The following PPRC1 variants were observed in gnomAD, a reference collection of about 807,000 sequenced individuals.
PPRC1 encodes the protein peroxisome proliferator-activated receptor gamma coactivator-related protein 1.
Under a neutral mutation model 132.5 loss-of-function variants are expected in PPRC1, and 23 were observed. The ratio of observed to expected loss-of-function variants is 0.17; its 90% CI spans 0.12 to 0.25. PPRC1 has a LOEUF of 0.25. Ranked by LOEUF, PPRC1 falls within the 10% of genes least tolerant of loss-of-function variation. The pLI is 1.00. For missense variants in PPRC1, 2,006 were observed against 2,089.1 expected, an observed-to-expected ratio of 0.96 and a Z score of 0.78; for synonymous variants, 872 against 833.5, an observed-to-expected ratio of 1.05 and a Z score of -0.80.
chr10:102,144,307 G>C lies in PPRC1; in HGVS notation c.3608G>C (p.Gly1203Ala). ...PADSLAVGNSGGVDIPQEKRP... is the reference protein window; with the variant it reads ...PADSLAVGNSAGVDIPQEKRP... ...GACAGCTTGGCTGTAGGAAACTCAG[G>C]GTAAGTATGGAGACATGAGCGAGTT... Residue 1203 changes from glycine to alanine, a missense_variant and splice_region_variant, in exon 7 of 14, where the codon GGC becomes GCC. Transcript: ENST00000278070. 6.2e-7 allele frequency: 1 copy of C among 1,613,810 alleles called. No homozygotes were observed. The highest frequency in any genetic ancestry group is 8.5e-7 in the Non-Finnish European group (1 of 1,179,954).
At chr10:102,121,262 C>T in the PPRC1 span, among the ~76,000 whole-genome samples, 2 of 152,078 alleles carry the variant, frequency 1.3e-5, no homozygotes, top group African/African-American at 4.8e-5. Flanking sequence ...CCCCTTTCTC[C>T]AGCCTTGGTG....
At position 102,148,834 on chromosome 10, in the gene PPRC1, C is replaced by T. The variant is rs768796959; in HGVS notation, c.4635C>T (p.Val1545=). The T allele has an allele frequency of 6.2e-7, 1 of 1,614,050 alleles. No homozygotes were observed. The highest frequency in any genetic ancestry group is 1.7e-5 in the Admixed American group (1 of 60,014). Residue 1545 remains valine, a synonymous_variant, in exon 12 of 14, where the codon GTC becomes GTT. Coordinates refer to ENST00000278070, the MANE Select transcript of PPRC1 (RefSeq NM_015062.5). This position sits in a 1 kb window ranked among gnomAD's most constrained non-coding sequence, Gnocchi z 4.2. ...KERAIEERRV[V]FIGKIPGRMT... is the part of the protein sequence containing the mutation. ...AAACATAGGAAGAAAGAAGGGTGGT[C>T]TTCATTGGAAAGATACCTGGCCGCA...
the PPRC1 span, among the ~76,000 whole-genome samples, chr10:102,127,066 T>TAAAA: frequency 1.8e-5 from 1 of 54,886 alleles, no homozygotes; most frequent in African/African-American, 7.0e-5. Flanking sequence ...TATATATATA[T>TAAAA]ATAAATTAAA....
the PPRC1 span, among the ~76,000 whole-genome samples, chr10:102,122,332 C>T: frequency 6.6e-6 from 1 of 152,102 alleles, no homozygotes; most frequent in Non-Finnish European, 1.5e-5. Flanking sequence ...GACAACTGAC[C>T]ACCCCACCTG....
chr10:102,121,745 C>T, the PPRC1 span, among the ~76,000 whole-genome samples: 1 of 152,112 alleles, frequency 6.6e-6, no homozygotes, highest in Non-Finnish European at 1.5e-5. Flanking sequence ...GGACTAGTGT[C>T]TCCTCCCTAG....
chr10:102,126,054 G>T, the PPRC1 span, among the ~76,000 whole-genome samples: 3 of 151,964 alleles, frequency 2.0e-5, no homozygotes, highest in East Asian at 5.8e-4. Flanking sequence ...TAGAGTAGGG[G>T]TTTCACCATG....
Position 102,140,300 on chromosome 10 carries a change from G to T in PPRC1, c.1792G>T (p.Gly598Cys). 2 of 1,614,120 alleles carry T rather than the reference G, an allele frequency of 1.2e-6. No individual in the cohort carries two copies. The highest frequency in any genetic ancestry group is 1.7e-6 in the Non-Finnish European group (2 of 1,179,982). ...TGTTGAAGCTGATCCCACTGCAGTTGGCCCTGTTCTAGCTGGCCCTGTACC... is the reference window on the plus strand; with the variant it reads ...TGTTGAAGCTGATCCCACTGCAGTTTGCCCTGTTCTAGCTGGCCCTGTACC... ...DSVEADPTAVGPVLAGPVPVD... is the reference protein window; with the variant it reads ...DSVEADPTAVCPVLAGPVPVD... Residue 598 changes from glycine (G) to cysteine (C), a missense_variant, in exon 5 of 14, where the codon GGC becomes TGC. By Grantham distance (159) the Gly-to-Cys change is radical. This residue lies in a region of PPRC1 where 1,914 missense variants were observed against 1,917.2 expected (regional missense o/e 1.00). Coordinates refer to ENST00000278070, the MANE Select transcript of PPRC1 (RefSeq NM_015062.5).
intron 9 of PPRC1, among the ~76,000 whole-genome samples, chr10:102,147,923 C>T (rs10509755): frequency 0.095 from 14,389 of 152,026 alleles, 972 homozygotes; most frequent in African/African-American, 0.19. Context: ...AGAACTGGCC[C>T]ATACTACAAG....
At chr10:102,133,509 C>G (rs1011750834) in intron 1 of PPRC1, among the ~76,000 whole-genome samples, 3 of 152,102 alleles carry the variant, frequency 2.0e-5, no homozygotes, top group African/African-American at 7.2e-5. Context: ...GCTGAGACCT[C>G]CATGTAAGGA....
chr10:102,149,952 G>T lies in PPRC1; in HGVS notation c.4918G>T (p.Ala1640Ser). The change falls in exon 14 of 14, where the codon GCA becomes TCA. Residue 1640 changes from alanine (A) to serine (S), a missense_variant. Coordinates refer to ENST00000278070, the MANE Select transcript of PPRC1 (RefSeq NM_015062.5). Reference protein sequence around the residue: ...LDSNREDFDPAPVKSKFDSLD... With the variant: ...LDSNREDFDPSPVKSKFDSLD... Reference sequence around the variant, plus strand: ...CTCCAACCGGGAAGACTTTGACCCAGCACCTGTAAAGAGCAAATTTGATTC... The same window carrying T: ...CTCCAACCGGGAAGACTTTGACCCATCACCTGTAAAGAGCAAATTTGATTC... 6.2e-7 allele frequency: 1 copy of T among 1,613,446 alleles called. No homozygotes were observed. Among genetic ancestry groups the T allele is most frequent in the Non-Finnish European group, 8.5e-7 (1 of 1,179,388 alleles).
At chr10:102,133,842 G>A (rs1365192381) in intron 1 of PPRC1, among the ~76,000 whole-genome samples, 1 of 152,078 alleles carries the variant, frequency 6.6e-6, no homozygotes, top group South Asian at 2.1e-4. Context: ...CGGGAAGGAA[G>A]GTAAGGGCTG....
Position 102,148,389 on chromosome 10 carries a change from C to T in PPRC1, c.4418C>T (p.Ser1473Phe), listed in dbSNP as rs1432615310. ...TCCTTCAGGTCCAGCTGTAGTTCCTCTGGACGTTCTCGAAGATGCTCTTCC... is the reference window on the plus strand; with the variant it reads ...TCCTTCAGGTCCAGCTGTAGTTCCTTTGGACGTTCTCGAAGATGCTCTTCC... ...KRWRRSSCSS[S>F]GRSRRCSSSS... Residue 1473 changes from serine (S) to phenylalanine (F), a missense_variant, in exon 10 of 14, where the codon TCT (serine) becomes TTT (phenylalanine). Ser to Phe is a radical substitution (Grantham distance 155). Around this residue, in one of 2 missense-constraint regions of PPRC1, gnomAD observed 1,914 missense variants for 1,917.2 expected, o/e 1.00. Transcript: ENST00000278070. The surrounding 1 kb of genome is among the most constrained non-coding windows in gnomAD (Gnocchi z 4.2). 1.9e-6 allele frequency: 3 copies of T among 1,613,262 alleles called. No individual in the cohort carries two copies. Among genetic ancestry groups the T allele is most frequent in the Non-Finnish European group, 2.5e-6 (3 of 1,179,906 alleles).
At chr10:102,138,810 C>T in intron 3 of PPRC1, 45 bp downstream of exon 3, 1 of 1,613,414 alleles carries the variant, frequency 6.2e-7, no homozygotes, top group Non-Finnish European at 8.5e-7. Context: ...AAGTTTAGAC[C>T]CATGCCTGTG....
At chr10:102,132,716 CAA>C (rs1351286654), upstream of PPRC1, among the ~76,000 whole-genome samples, 2 of 152,250 alleles carry the variant, frequency 1.3e-5, no homozygotes, top group Admixed American at 6.5e-5. Context: ...GGTAGAACGT[CAA>C]AGAGGACGTT....
chr10:102,137,324 A>G (rs1241901698), intron 1 of PPRC1, among the ~76,000 whole-genome samples: 1 of 152,144 alleles, frequency 6.6e-6, no homozygotes, highest in East Asian at 1.9e-4. Flanking sequence ...TGATTACCAG[A>G]AAAGTTAATG....
intron 2 of PPRC1, 37 bp downstream of exon 2, chr10:102,138,075 A>C (rs201251083): frequency 6.3e-7 from 1 of 1,594,534 alleles, no homozygotes; most frequent in Admixed American, 1.7e-5. Context: ...TTCAAGCAGG[A>C]GGTTTACATG....
At position 102,147,327 on chromosome 10, in the gene PPRC1, A is replaced by C. The variant is rs946486409; in HGVS notation, c.4335A>C (p.Ser1445=). The change falls in exon 9 of 14, where the codon TCA becomes TCC. Residue 1445 remains serine (S), a synonymous_variant. Coordinates refer to ENST00000278070, the MANE Select transcript of PPRC1 (RefSeq NM_015062.5). ...NRTSEASSSS[S]SSSSSSRSRS... ...CTAGCGAAGCATCTTCCTCATCCTC[A>C]TCATCGTCTTCCTCATCCCGATCTC... 1.9e-6 allele frequency: 3 copies of C among 1,611,132 alleles called. No homozygotes were observed. The highest frequency in any genetic ancestry group is 3.3e-5 in the Admixed American group (2 of 59,948).
At chr10:102,137,737 A>C in intron 1 of PPRC1, 113 bp from the exon 2 acceptor site, 1 of 997,118 alleles carries the variant, frequency 1.0e-6, no homozygotes, top group Non-Finnish European at 1.4e-6. Context: ...GTTTGGCGAC[A>C]GTGTTGCTGC....
Position 102,139,803 on chromosome 10 carries a change from A to G in PPRC1, c.1295A>G (p.Glu432Gly), listed in dbSNP as rs1197361963. Reference sequence around the variant, plus strand: ...TCAGCCTGCTTATTGAAGCCCAGGGAGGTCGTGGAGCCGGTGGTGCCCAAG... The same window carrying G: ...TCAGCCTGCTTATTGAAGCCCAGGGGGGTCGTGGAGCCGGTGGTGCCCAAG... ...LDSACLLKPR[E>G]VVEPVVPKEP... The change falls in exon 5 of 14, where the codon GAG (glutamate) becomes GGG (glycine). Residue 432 changes from glutamate to glycine, a missense_variant. Glu to Gly is a moderately conservative substitution (Grantham distance 98). Around this residue, in one of 2 missense-constraint regions of PPRC1, gnomAD observed 1,914 missense variants for 1,917.2 expected, o/e 1.00. Coordinates refer to ENST00000278070, the MANE Select transcript of PPRC1 (RefSeq NM_015062.5). 6.2e-7 allele frequency: 1 copy of G among 1,614,190 alleles called. No homozygotes were observed. The highest frequency in any genetic ancestry group is 1.1e-5 in the South Asian group (1 of 91,084).
Sources: allele counts gnomAD v4.1 joint callset (sites outside exome capture counted in the v4.1 genomes callset), GRCh38; gene constraint gnomAD v4.1.1; regional missense constraint gnomAD v4.1.1; non-coding constraint Gnocchi (gnomAD v3.1); transcripts MANE v1.5; gene names NCBI Gene and HGNC (gene_info 2026-07-23, HGNC 2026-07-21).